DNAH1: variants seen among roughly 807,000 people sequenced by gnomAD.
DNAH1 encodes the protein dynein axonemal heavy chain 1.
In DNAH1, 327 loss-of-function variants were observed where a neutral mutation model predicts 484.3. The observed-to-expected ratio is 0.68, with a 90% confidence interval of 0.62 to 0.74. DNAH1 has a LOEUF of 0.74. Among genes scored for constraint, DNAH1 ranks in the 30% least tolerant of loss-of-function variants. The pLI is 0.00. For synonymous variants in DNAH1, 2,192 were observed against 2,191.9 expected (o/e 1.00, Z 0.00); for missense variants, 5,052 against 5,546.8 (o/e 0.91, Z 2.83).
rs761515850 is a variant in DNAH1 at position 52,389,280 on chromosome 3, A to C, written c.9496-181A>C. On this transcript the variant is annotated intron_variant, in intron 59 of 77. Coordinates refer to ENST00000420323, the MANE Select transcript of DNAH1 (RefSeq NM_015512.5). ...GCATCGTTAGCTTTGCCCGTTTCAC[A>C]GATGAAGGGCTGAGGTTTGTGGAGG... 4.2e-4 allele frequency among the ~76,000 whole-genome samples: 64 copies of C among 152,316 alleles called. 1 individual carries two copies. The highest frequency in any genetic ancestry group is 1.1e-3 in the Admixed American group (17 of 15,286).
rs754629618 is a variant in DNAH1 at position 52,388,244 on chromosome 3, C to T, written c.9081C>T (p.Ala3027=). 3.1e-6 allele frequency: 5 copies of T among 1,604,994 alleles called. No individual in the cohort carries two copies. The highest frequency in any genetic ancestry group is 2.2e-5 in the South Asian group (2 of 89,114). Residue 3027 remains alanine (A), a synonymous_variant, in exon 57 of 78, where the codon GCC becomes GCT. Coordinates refer to ENST00000420323, the MANE Select transcript of DNAH1 (RefSeq NM_015512.5). ...DNEEFQPATI[A]KVSKACTSIC... is the part of the protein sequence containing the mutation. Reference sequence around the variant, plus strand: ...AAGAGTTCCAGCCAGCCACCATTGCCAAGGTGTCCAAGGCTTGCACCTCCA... The same window carrying T: ...AAGAGTTCCAGCCAGCCACCATTGCTAAGGTGTCCAAGGCTTGCACCTCCA...
the DNAH1 span, among the ~76,000 whole-genome samples, chr3:52,311,290 G>A: frequency 7.2e-5 from 11 of 152,238 alleles, no homozygotes; most frequent in African/African-American, 2.7e-4. Context: ...CACTGTGGGT[G>A]TGACCGGGAC....
rs1219464624 is a variant in DNAH1 at position 52,340,861 on chromosome 3, AT to A, written c.1287-3617del. 8.1e-4 allele frequency among the ~76,000 whole-genome samples: 120 copies of A among 148,352 alleles called. 1 individual carries two copies. Among genetic ancestry groups the A allele is most frequent in the South Asian group, 1.5e-3 (7 of 4,708 alleles). ...GTGAGAGACAGCTCACTGGAGATAG[AT>A]TTTTTTTTTTTAATTTACAGATAAT... On this transcript the variant is annotated intron_variant, in intron 8 of 77. Transcript: ENST00000420323.
At chr3:52,386,026 C>T in intron 54 of DNAH1, 134 bp from the exon 55 acceptor site, 1 of 1,044,388 alleles carries the variant, frequency 9.6e-7, no homozygotes, top group Non-Finnish European at 1.4e-6. Flanking sequence ...TCCTGGTATT[C>T]CCAGACCTCT....
At chr3:52,388,374 C>T in intron 57 of DNAH1, 40 bp downstream of exon 57, 1 of 1,600,540 alleles carries the variant, frequency 6.2e-7, no homozygotes, top group Middle Eastern at 1.7e-4. Flanking sequence ...GGCTCCCCTC[C>T]CGGGGGTACT....
chr3:52,313,686 T>G (rs1700863958), upstream of DNAH1, among the ~76,000 whole-genome samples: 1 of 152,118 alleles, frequency 6.6e-6, no homozygotes, highest in Non-Finnish European at 1.5e-5. Flanking sequence ...GAGTGAGGGA[T>G]TCCATCTCTT....
chr3:52,363,251 A>G, intron 32 of DNAH1, 107 bp downstream of exon 32: 1 of 1,443,212 alleles, frequency 6.9e-7, no homozygotes, highest in Non-Finnish European at 9.4e-7. Flanking sequence ...CTTTACAGGC[A>G]TTACCTTGTC....
chr3:52,398,017 C>T lies in DNAH1; in HGVS notation c.11959-15C>T, dbSNP rs123603. On this transcript the variant is annotated splice_polypyrimidine_tract_variant and intron_variant, in intron 74 of 77. Transcript: ENST00000420323. Reference sequence around the variant, plus strand: ...GGCCCAGCCTTGACCCCACAGTATTCCTTTGCCCCTGCAGATAGTGGAGGA... The same window carrying T: ...GGCCCAGCCTTGACCCCACAGTATTTCTTTGCCCCTGCAGATAGTGGAGGA... 0.044 allele frequency: 71,504 copies of T among 1,611,358 alleles called. 1,769 individuals carry two copies. Among genetic ancestry groups the T allele is most frequent in the Non-Finnish European group, 0.05 (58,400 of 1,178,494 alleles).
Position 52,346,840 on chromosome 3 carries a change from G to A in DNAH1, c.1955+70G>A, listed in dbSNP as rs1702165021. ...TGTCACCTGCTGGGGATGGAGCAGG[G>A]TCAGGGACCAGGGCCAGGGTGCCCA... On this transcript the variant is annotated intron_variant, in intron 11 of 77. Transcript: ENST00000420323. 6.0e-6 allele frequency: 9 copies of A among 1,500,906 alleles called. No individual in the cohort carries two copies. The Admixed American group carries it at 9.9e-5, about 16-fold the overall frequency. 93.0% of individuals were successfully genotyped at this position (1,500,906 alleles called of 1,614,324 possible). A position where few individuals can be genotyped will look rare whatever the true frequency, so the allele number is the denominator to read the frequency against.
intron 1 of DNAH1, among the ~76,000 whole-genome samples, chr3:52,317,054 ATC>A (rs1700972933): frequency 6.6e-6 from 1 of 152,098 alleles, no homozygotes; most frequent in South Asian, 2.1e-4. Context: ...CTTTTGCTTT[ATC>A]TCCTCTTTGT....
At chr3:52,357,528 G>C in intron 22 of DNAH1, 86 bp from the exon 23 acceptor site, 1 of 1,513,652 alleles carries the variant, frequency 6.6e-7, no homozygotes. Context: ...AGGGGCTCTG[G>C]CTGGTGTGGG....
intron 1 of DNAH1, among the ~76,000 whole-genome samples, chr3:52,321,402 C>G (rs1701143148): frequency 6.6e-6 from 1 of 152,106 alleles, no homozygotes; most frequent in African/African-American, 2.4e-5. Context: ...AGGAGTGAGC[C>G]ACCGCCCCGG....
intron 8 of DNAH1, among the ~76,000 whole-genome samples, chr3:52,339,189 C>T (rs1701839669): frequency 6.6e-6 from 1 of 152,032 alleles, no homozygotes; most frequent in Admixed American, 6.6e-5. Context: ...TTTAATTCAA[C>T]CAGTTTCCGA....
chr3:52,355,170 A>C lies in DNAH1; in HGVS notation c.3693+115A>C. The stretch of plus-strand genomic sequence containing the variant: ...CAAAGCATCGCAGTGCCTTGCCCTC[A>C]TTCACACAGCCCCTGGCTCTCTGGC... On this transcript the variant is annotated intron_variant, in intron 21 of 77. Transcript: ENST00000420323. This position sits in a 1 kb window ranked among gnomAD's most constrained non-coding sequence, Gnocchi z 4.5. 9.6e-7 allele frequency: 1 copy of C among 1,036,424 alleles called. No individual in the cohort carries two copies. Among genetic ancestry groups the C allele is most frequent in the Non-Finnish European group, 1.4e-6 (1 of 697,750 alleles). 64.2% of individuals were successfully genotyped at this position (1,036,424 alleles called of 1,614,324 possible). A position where few individuals can be genotyped will look rare whatever the true frequency, so the allele number is the denominator to read the frequency against.
chr3:52,354,153 C>T (rs1307097115), intron 20 of DNAH1, among the ~76,000 whole-genome samples: 1 of 151,972 alleles, frequency 6.6e-6, no homozygotes, highest in East Asian at 1.9e-4. Context: ...CAGACTGAGA[C>T]CCTGTCTCAA....
chr3:52,311,770 G>A (rs1023590867), upstream of DNAH1, among the ~76,000 whole-genome samples: 3 of 152,190 alleles, frequency 2.0e-5, no homozygotes, highest in African/African-American at 7.2e-5. Flanking sequence ...GGGACCCAGG[G>A]GAGGGGCTGG....
chr3:52,318,638 A>C (rs2153222354), intron 1 of DNAH1, among the ~76,000 whole-genome samples: 2 of 152,362 alleles, frequency 1.3e-5, no homozygotes, highest in South Asian at 4.1e-4. Flanking sequence ...GATCAGCGTT[A>C]CTTGAAAATG....
intron 44 of DNAH1, chr3:52,373,597 C>A: frequency 6.8e-7 from 1 of 1,465,294 alleles, no homozygotes; most frequent in Non-Finnish European, 9.6e-7. Context: ...CAGCAAAATT[C>A]TTCAAGGTTT....
At chr3:52,377,858 C>A (rs1198918075) in intron 46 of DNAH1, among the ~76,000 whole-genome samples, 1 of 152,080 alleles carries the variant, frequency 6.6e-6, no homozygotes, top group Non-Finnish European at 1.5e-5. Flanking sequence ...CTGCCCGTAG[C>A]CCTTGCCACC....
Sources: gnomAD v4.1 joint callset for allele counts (sites outside exome capture counted in the v4.1 genomes callset) on GRCh38, gnomAD v4.1.1 for gene constraint, Gnocchi (gnomAD v3.1) non-coding constraint, MANE v1.5 for transcripts, NCBI Gene and HGNC (gene_info 2026-07-23, HGNC 2026-07-21) for gene names.